The following ZXDC variants were observed in gnomAD, a reference collection of about 807,000 sequenced individuals.
The protein encoded by ZXDC is ZXD family zinc finger C.
ZXDC carries 58 observed loss-of-function variants against 63.6 expected under a neutral mutation model. The observed-to-expected ratio is 0.91, with a 90% confidence interval of 0.74 to 1.13. ZXDC has a LOEUF of 1.13. ZXDC is among the 50% of genes most tolerant of loss of function. The pLI, the probability that ZXDC is intolerant of heterozygous loss-of-function variation, is 0.00. For synonymous variants in ZXDC, 561 were observed against 496.1 expected, an observed-to-expected ratio of 1.13 and a Z score of -1.74; for missense variants, 1,133 against 1,148.9, an observed-to-expected ratio of 0.99 and a Z score of 0.20.
intron 7 of ZXDC, 23 bp from the exon 8 acceptor site, chr3:126,441,969 G>A: frequency 6.4e-7 from 1 of 1,570,614 alleles, no homozygotes; most frequent in Non-Finnish European, 8.6e-7. Flanking sequence ...ATAAAAACGA[G>A]CACACCCAAT....
At chr3:126,467,925 A>G (rs1226281722) in intron 4 of ZXDC, among the ~76,000 whole-genome samples, 7 of 152,140 alleles carry the variant, frequency 4.6e-5, no homozygotes, top group Admixed American at 4.6e-4. Context: ...CTGGGTTTCC[A>G]TTTTTTAAAG....
chr3:126,466,944 G>A (rs919480760), intron 4 of ZXDC, among the ~76,000 whole-genome samples: 1 of 152,134 alleles, frequency 6.6e-6, no homozygotes, highest in Non-Finnish European at 1.5e-5. Context: ...TCCCCTCCGT[G>A]CCCTGGCTTT....
At chr3:126,441,496 C>T in intron 8 of ZXDC, 2 of 1,231,048 alleles carry the variant, frequency 1.6e-6, no homozygotes, top group Non-Finnish European at 2.0e-6. Context: ...GGGCTAGACG[C>T]AGGGCTGTGC....
intron 7 of ZXDC, chr3:126,453,962 C>T (rs1022102227): frequency 8.0e-5 from 78 of 973,726 alleles, no homozygotes; most frequent in Non-Finnish European, 9.4e-5. Flanking sequence ...CATAGTACTG[C>T]CTATACATGT....
chr3:126,475,389 G>A lies in ZXDC; in HGVS notation c.477C>T (p.Ala159=), dbSNP rs921907583. 2 of 1,221,154 alleles carry A rather than the reference G, an allele frequency of 1.6e-6. No homozygotes were observed. The highest frequency in any genetic ancestry group is 2.0e-6 in the Non-Finnish European group (2 of 977,258). 75.6% of individuals were successfully genotyped at this position (1,221,154 alleles called of 1,614,324 possible). Residue 159 remains alanine (A), a synonymous_variant, in exon 1 of 10, where the codon GCC becomes GCT. Coordinates refer to ENST00000389709, the MANE Select transcript of ZXDC (RefSeq NM_025112.5). Reference sequence around the variant, plus strand: ...AGGCCTGGGGCGCGCGGCGGGGAGCGGCGGCGCCCGCGGTTGCGGGGCCGG... The same window carrying A: ...AGGCCTGGGGCGCGCGGCGGGGAGCAGCGGCGCCCGCGGTTGCGGGGCCGG... ...APPGPATAGA[A]APRRAPQASG...
At chr3:126,453,971 G>GTATA (rs147848734) in intron 7 of ZXDC, 9 of 934,956 alleles carry the variant, frequency 9.6e-6, no homozygotes, top group Non-Finnish European at 1.0e-5. Context: ...GCCTATACAT[G>GTATA]TATATATATA....
intron 7 of ZXDC, among the ~76,000 whole-genome samples, chr3:126,456,176 A>G (rs1018187250): frequency 2.0e-5 from 3 of 152,252 alleles, no homozygotes; most frequent in Admixed American, 2.0e-4. Flanking sequence ...ACATGAGAGG[A>G]AAGCTTAAAG....
chr3:126,459,231 A>C (rs1004292644), intron 7 of ZXDC: 3 of 985,322 alleles, frequency 3.0e-6, no homozygotes, highest in Non-Finnish European at 3.6e-6. Flanking sequence ...ACAATGCCAC[A>C]GGACACACAG....
intron 7 of ZXDC, among the ~76,000 whole-genome samples, chr3:126,448,487 A>G (rs1255914372): frequency 6.6e-6 from 1 of 152,178 alleles, no homozygotes; most frequent in Non-Finnish European, 1.5e-5. Flanking sequence ...TGTCTGTGAC[A>G]CAGACACCAC....
At chr3:126,450,422 G>A (rs1324197000) in intron 7 of ZXDC, 14 of 456,614 alleles carry the variant, frequency 3.1e-5, no homozygotes, top group Non-Finnish European at 6.2e-5. Context: ...ATCTGCCCCA[G>A]GGGTGTACAC....
chr3:126,456,366 C>T (rs978165700), intron 7 of ZXDC, among the ~76,000 whole-genome samples: 2 of 152,212 alleles, frequency 1.3e-5, no homozygotes, highest in Non-Finnish European at 2.9e-5. Flanking sequence ...GTGGAGGCCT[C>T]GGGCACACAG....
chr3:126,463,273 A>G (rs1051909660), intron 5 of ZXDC, among the ~76,000 whole-genome samples: 2 of 151,914 alleles, frequency 1.3e-5, no homozygotes, highest in Non-Finnish European at 2.9e-5. Context: ...GTTTCACCGC[A>G]TTAGCCAGGA....
rs1935209667 is a variant in ZXDC at position 126,475,888 on chromosome 3, G to A, written c.-23C>T. The A allele has an allele frequency of 4.7e-6, 5 of 1,073,508 alleles. No individual in the cohort carries two copies. Among genetic ancestry groups the A allele is most frequent in the Non-Finnish European group, 5.6e-6 (5 of 887,384 alleles). 66.5% of individuals were successfully genotyped at this position (1,073,508 alleles called of 1,614,324 possible). ...CATCTTGGTCCCAGCGACGGCGTCG[G>A]AGCAGCTTCGGACGCAGAGCTGCCC... On this transcript the variant is annotated 5_prime_UTR_variant, in exon 1 of 10. Coordinates refer to ENST00000389709, the MANE Select transcript of ZXDC (RefSeq NM_025112.5).
chr3:126,444,997 A>C (rs1933826857), intron 7 of ZXDC, among the ~76,000 whole-genome samples: 1 of 152,244 alleles, frequency 6.6e-6, no homozygotes, highest in Non-Finnish European at 1.5e-5. Flanking sequence ...AGAATATCTC[A>C]TGACAAGCTA....
At chr3:126,460,500 ACAGCTG>A in intron 6 of ZXDC, 1 of 983,128 alleles carries the variant, frequency 1.0e-6, no homozygotes, top group Non-Finnish European at 1.2e-6. Flanking sequence ...ACCTCCACCC[ACAGCTG>A]CAGCTGCACC....
At chr3:126,459,818 CCTGCTT>C in intron 6 of ZXDC, 81 bp from the exon 7 acceptor site, 1 of 1,609,584 alleles carries the variant, frequency 6.2e-7, no homozygotes, top group Non-Finnish European at 8.5e-7. Flanking sequence ...GTGCCATAAG[CCTGCTT>C]CTGGGACATA....
intron 7 of ZXDC, among the ~76,000 whole-genome samples, chr3:126,445,742 A>T (rs1933859957): frequency 6.6e-6 from 1 of 152,038 alleles, no homozygotes; most frequent in African/African-American, 2.4e-5. Flanking sequence ...CTGTGAGAGA[A>T]CAGGGCAGCC....
At chr3:126,464,397 G>A (rs192037324) in intron 5 of ZXDC, among the ~76,000 whole-genome samples, 11 of 152,290 alleles carry the variant, frequency 7.2e-5, no homozygotes, top group Admixed American at 2.0e-4. Flanking sequence ...CCACCATTAG[G>A]GGGACTGAAA....
At chr3:126,466,980 A>G (rs1343061502) in intron 4 of ZXDC, among the ~76,000 whole-genome samples, 1 of 152,124 alleles carries the variant, frequency 6.6e-6, no homozygotes, top group Admixed American at 6.5e-5. Flanking sequence ...TCTGCCCCAT[A>G]TGGACACAGG....
Sources: gnomAD v4.1 joint callset for allele counts (sites outside exome capture counted in the v4.1 genomes callset) on GRCh38, gnomAD v4.1.1 for gene constraint, MANE v1.5 for transcripts, NCBI Gene and HGNC (gene_info 2026-07-23, HGNC 2026-07-21) for gene names.